Variants in MLLT6 observed in about 807,000 individuals in gnomAD.
The protein encoded by MLLT6 is protein AF-17.
MLLT6 carries 22 observed loss-of-function variants against 103.0 expected under a neutral mutation model. That is an observed-to-expected ratio of 0.21 (90% CI 0.15 to 0.31). The LOEUF is 0.31. Among genes scored for constraint, MLLT6 ranks in the 10% least tolerant of loss-of-function variants. MLLT6 has a pLI of 1.00. For missense variants in MLLT6, 1,199 were observed against 1,441.7 expected (o/e 0.83, Z 2.73); for synonymous variants, 606 against 623.5 (o/e 0.97, Z 0.42).
intron 8 of MLLT6, chr17:38,713,400 A>T (rs1905212188): frequency 3.4e-6 from 1 of 292,048 alleles, no homozygotes. Flanking sequence ...CCAAGCTGGA[A>T]CAGCCCTCCC....
intron 14 of MLLT6, 51 bp from the exon 15 acceptor site, chr17:38,720,321 C>A: frequency 4.9e-6 from 1 of 202,722 alleles, no homozygotes; most frequent in South Asian, 7.1e-5. Context: ...GGTCCCCTGG[C>A]CCCGCCTCCG....
chr17:38,721,992 G>A lies in MLLT6; in HGVS notation c.2557G>A (p.Gly853Arg). ...SPATLPLALP[G>R]APAPLPPQPQ... ...TGCCACTCTGCCCCTGGCCCTGCCT[G>A]GGGCCCCTGCCCCACTCCCGCCCCA... is the stretch of plus-strand genomic sequence containing the variant. The change falls in exon 17 of 20, where the codon GGG (glycine) becomes AGG (arginine). Residue 853 changes from glycine to arginine, a missense_variant. Coordinates refer to ENST00000621332, the MANE Select transcript of MLLT6 (RefSeq NM_005937.4). 6.7e-7 allele frequency: 1 copy of A among 1,495,180 alleles called. No individual in the cohort carries two copies. The highest frequency in any genetic ancestry group is 8.9e-7 in the Non-Finnish European group (1 of 1,124,140). 92.6% of individuals were successfully genotyped at this position (1,495,180 alleles called of 1,614,324 possible). A position where few individuals can be genotyped will look rare whatever the true frequency, so the allele number is the denominator to read the frequency against.
chr17:38,719,440 C>T (rs1905547002), intron 12 of MLLT6, 77 bp from the exon 13 acceptor site: 5 of 1,270,298 alleles, frequency 3.9e-6, no homozygotes, highest in Non-Finnish European at 5.6e-6. Flanking sequence ...GGTCCCAATC[C>T]CATATCCATC....
rs1435274684 is a variant in MLLT6 at position 38,709,306 on chromosome 17, C to G, written c.458+30C>G. The G allele has an allele frequency of 6.3e-7, 1 of 1,581,296 alleles. No individual in the cohort carries two copies. Among genetic ancestry groups the G allele is most frequent in the African/African-American group, 1.3e-5 (1 of 74,400 alleles). On this transcript the variant is annotated intron_variant, in intron 5 of 19. Coordinates refer to ENST00000621332, the MANE Select transcript of MLLT6 (RefSeq NM_005937.4). The surrounding 1 kb of genome is among the most constrained non-coding windows in gnomAD (Gnocchi z 4.3). ...GACCCCTGTCCCACCCCCCTGCCCC[C>G]CGGGTTTGTCCTGGATGGCCACTGA...
Position 38,716,426 on chromosome 17 carries a change from G to A in MLLT6, c.1096G>A (p.Glu366Lys). ...ATTCCCCAAGCTGGAGCAGCCAGAGGAGGACAAGTACTCCAAGCCCACAGC... is the reference window on the plus strand; with the variant it reads ...ATTCCCCAAGCTGGAGCAGCCAGAGAAGGACAAGTACTCCAAGCCCACAGC... Reference protein sequence around the residue: ...SAFPKLEQPEEDKYSKPTAPA... With the variant: ...SAFPKLEQPEKDKYSKPTAPA... The change falls in exon 10 of 20, where the codon GAG becomes AAG. Residue 366 changes from glutamate (E) to lysine (K), a missense_variant. Around this residue, in one of 7 missense-constraint regions of MLLT6, gnomAD observed 1,034 missense variants for 1,091.5 expected, o/e 0.95. Transcript: ENST00000621332. This position sits in a 1 kb window ranked among gnomAD's most constrained non-coding sequence, Gnocchi z 5.6. 6.2e-7 allele frequency: 1 copy of A among 1,613,846 alleles called. No homozygotes were observed. The highest frequency in any genetic ancestry group is 8.5e-7 in the Non-Finnish European group (1 of 1,179,898).
intron 16 of MLLT6, 26 bp from the exon 17 acceptor site, chr17:38,721,852 C>A: frequency 6.7e-7 from 1 of 1,491,178 alleles, no homozygotes; most frequent in Non-Finnish European, 9.0e-7. Context: ...GGCCCTCTGA[C>A]CCCTCCCTTC....
intron 1 of MLLT6, chr17:38,706,670 G>T: frequency 3.0e-6 from 1 of 337,490 alleles, no homozygotes. Flanking sequence ...GAAGAAGCTG[G>T]GAAACAAGTC....
At chr17:38,710,648 G>A (rs773371739) in intron 6 of MLLT6, among the ~76,000 whole-genome samples, 8 of 152,034 alleles carry the variant, frequency 5.3e-5, no homozygotes, top group South Asian at 2.1e-4. Context: ...TAGACACTGG[G>A]TAAATGGAGC....
intron 4 of MLLT6, 73 bp downstream of exon 4, chr17:38,707,945 G>A (rs1018634055): frequency 1.8e-5 from 18 of 976,814 alleles, no homozygotes; most frequent in Non-Finnish European, 2.2e-5. Context: ...CTCTTCATCC[G>A]GTGTAATTTG....
Position 38,716,084 on chromosome 17 carries a change from G to A in MLLT6, c.1036+256G>A. The A allele has an allele frequency of 1.7e-6, 1 of 599,952 alleles. No homozygotes were observed. The highest frequency in any genetic ancestry group is 2.9e-6 in the Non-Finnish European group (1 of 342,060). 37.2% of individuals were successfully genotyped at this position (599,952 alleles called of 1,614,324 possible). ...CTTATCCCCTACATTTGTGCTGCAA[G>A]GTACAATTTTTCAAGAACCCCCATT... On this transcript the variant is annotated intron_variant, in intron 9 of 19. Transcript: ENST00000621332. This position sits in a 1 kb window ranked among gnomAD's most constrained non-coding sequence, Gnocchi z 5.6.
intron 2 of MLLT6, 101 bp downstream of exon 2, chr17:38,707,130 T>C: frequency 2.0e-6 from 2 of 989,070 alleles, no homozygotes; most frequent in Non-Finnish European, 3.0e-6. Context: ...AGGGTGGGAT[T>C]TAGCTCTGTC....
intron 19 of MLLT6, 164 bp downstream of exon 19, chr17:38,725,140 G>A (rs1905956306): frequency 1.7e-6 from 1 of 590,442 alleles, no homozygotes; most frequent in Non-Finnish European, 3.0e-6. Flanking sequence ...GCACATGGGT[G>A]CCCTCCTGCA....
At position 38,720,520 on chromosome 17, in the gene MLLT6, G is replaced by T; in HGVS notation, c.2304G>T (p.Leu768=). The stretch of plus-strand genomic sequence containing the variant: ...CCTTCCCTGCCCTGCCTGCTGCCCT[G>T]CCTGCCGCCAACGGCCCTGTCCCTG... The part of the protein sequence containing the change: ...SVPFPALPAA[L]PAANGPVPGP... The change falls in exon 15 of 20, where the codon CTG becomes CTT. Residue 768 remains leucine, a synonymous_variant. Transcript: ENST00000621332. 6.2e-7 allele frequency: 1 copy of T among 1,611,582 alleles called. No homozygotes were observed. Among genetic ancestry groups the T allele is most frequent in the Non-Finnish European group, 8.5e-7 (1 of 1,179,008 alleles).
intron 19 of MLLT6, 34 bp from the exon 20 acceptor site, chr17:38,725,523 T>G (rs567365056): frequency 1.9e-6 from 3 of 1,604,228 alleles, no homozygotes; most frequent in Non-Finnish European, 2.6e-6. Flanking sequence ...CCTGACACTT[T>G]CCACACCCCC....
Position 38,716,168 on chromosome 17 carries a change from T to C in MLLT6, c.1037-199T>C. The stretch of plus-strand genomic sequence containing the variant: ...GTGAGGCCAGTAGGGTGCGAGTTAC[T>C]CTCCCCCATTTTATTACAGGTGGGA... On this transcript the variant is annotated intron_variant, in intron 9 of 19. Coordinates refer to ENST00000621332, the MANE Select transcript of MLLT6 (RefSeq NM_005937.4). This position sits in a 1 kb window ranked among gnomAD's most constrained non-coding sequence, Gnocchi z 5.6. The C allele has an allele frequency of 1.6e-6, 1 of 617,334 alleles. No homozygotes were observed. The highest frequency in any genetic ancestry group is 2.8e-5 in the East Asian group (1 of 35,932). The allele number at this position is 617,334 out of a possible 1,614,324, so 38.2% of individuals were successfully genotyped here. A position where few individuals can be genotyped will look rare whatever the true frequency, so the allele number is the denominator to read the frequency against.
At position 38,716,990 on chromosome 17, in the gene MLLT6, C is replaced by T. The variant is rs745630128; in HGVS notation, c.1651+9C>T. 1.9e-6 allele frequency: 3 copies of T among 1,612,648 alleles called. No homozygotes were observed. The highest frequency in any genetic ancestry group is 2.5e-6 in the Non-Finnish European group (3 of 1,179,682). On this transcript the variant is annotated intron_variant, in intron 10 of 19. Coordinates refer to ENST00000621332, the MANE Select transcript of MLLT6 (RefSeq NM_005937.4). This position sits in a 1 kb window ranked among gnomAD's most constrained non-coding sequence, Gnocchi z 5.6. The stretch of plus-strand genomic sequence containing the variant: ...CCCCTTACTAGGGGCAGGTTAGTGA[C>T]CCCTGGGGACAGAGGGCATTTCAGG...
chr17:38,721,863 C>A lies in MLLT6; in HGVS notation c.2443-15C>A. On this transcript the variant is annotated splice_polypyrimidine_tract_variant and intron_variant, in intron 16 of 19. Coordinates refer to ENST00000621332, the MANE Select transcript of MLLT6 (RefSeq NM_005937.4). ...TGCTGGCCCTCTGACCCCTCCCTTC[C>A]CCCTCCCTCCCCAGGACCCACACTC... 1 of 1,539,802 alleles carries A rather than the reference C, an allele frequency of 6.5e-7. No individual in the cohort carries two copies. Among genetic ancestry groups the A allele is most frequent in the Non-Finnish European group, 8.7e-7 (1 of 1,145,540 alleles).
At chr17:38,712,455 C>T (rs1905176523) in intron 7 of MLLT6, among the ~76,000 whole-genome samples, 1 of 152,178 alleles carries the variant, frequency 6.6e-6, no homozygotes, top group Non-Finnish European at 1.5e-5. Context: ...ATAGCACTGG[C>T]GTGATAATGG....
intron 19 of MLLT6, 34 bp downstream of exon 19, chr17:38,725,010 C>A: frequency 7.3e-7 from 1 of 1,376,714 alleles, no homozygotes; most frequent in Non-Finnish European, 9.9e-7. Context: ...CCTGCCTCCC[C>A]TCTGAGGGAT....
Sources: allele counts gnomAD v4.1 joint callset (sites outside exome capture counted in the v4.1 genomes callset), GRCh38; gene constraint gnomAD v4.1.1; regional missense constraint gnomAD v4.1.1; non-coding constraint Gnocchi (gnomAD v3.1); transcripts MANE v1.5; gene names NCBI Gene and HGNC (gene_info 2026-07-23, HGNC 2026-07-21).